Variants in BAZ2A observed in about 807,000 individuals in gnomAD.
BAZ2A encodes bromodomain adjacent to zinc finger domain 2A.
Under a neutral mutation model 199.9 loss-of-function variants are expected in BAZ2A, and 34 were observed. The ratio of observed to expected loss-of-function variants is 0.17; its 90% confidence interval spans 0.13 to 0.23. BAZ2A has a LOEUF of 0.23. Among genes scored for constraint, BAZ2A ranks in the 10% least tolerant of loss-of-function variants. The pLI, the probability that BAZ2A is intolerant of heterozygous loss-of-function variation, is 1.00. For synonymous variants in BAZ2A, 857 were observed against 883.9 expected, an observed-to-expected ratio of 0.97 and a Z score of 0.54; for missense variants, 2,002 against 2,391.1, an observed-to-expected ratio of 0.84 and a Z score of 3.39.
At chr12:56,611,750 T>G in intron 6 of BAZ2A, 23 bp downstream of exon 6, 1 of 1,519,968 alleles carries the variant, frequency 6.6e-7, no homozygotes, top group Non-Finnish European at 8.8e-7. Flanking sequence ...CAGACAGGGA[T>G]AGAATAGAAT....
intron 1 of BAZ2A, among the ~76,000 whole-genome samples, chr12:56,625,615 C>T (rs1427308132): frequency 2.0e-5 from 3 of 151,982 alleles, no homozygotes; most frequent in East Asian, 1.9e-4. Context: ...TCTTGGCTCA[C>T]GCCTGTAATC....
At chr12:56,608,320 C>A (rs1181710522) in intron 10 of BAZ2A, among the ~76,000 whole-genome samples, 1 of 150,090 alleles carries the variant, frequency 6.7e-6, no homozygotes, top group African/African-American at 2.5e-5. Flanking sequence ...TGTAGTGAGC[C>A]AAGATCGTGC....
At chr12:56,638,159 A>G (rs2137539198), upstream of BAZ2A, 1 of 611,488 alleles carries the variant, frequency 1.6e-6, no homozygotes, top group Middle Eastern at 3.3e-4. Context: ...TGTCAGAACC[A>G]AGAGAATCAG....
In BAZ2A at chr12:56,609,351, A is replaced by G. The variant is rs369686047; in HGVS notation, c.2092+385T>C. On this transcript the variant is annotated intron_variant, in intron 10 of 28. Transcript: ENST00000549884. ...CACACACCACCATGCCTGGCTCCCA[A>G]TTATCTTTTGAATTCAGATGTGAAT... 9.3e-4 allele frequency among the ~76,000 whole-genome samples: 141 copies of G among 152,250 alleles called. 4 individuals carry two copies. In the South Asian group the frequency reaches 0.028, roughly 30 times the overall value.
intron 1 of BAZ2A, among the ~76,000 whole-genome samples, chr12:56,626,913 C>G (rs2137323613): frequency 6.6e-6 from 1 of 152,274 alleles, no homozygotes; most frequent in South Asian, 2.1e-4. Context: ...TAATCAGGGG[C>G]AAGAAAAAGG....
chr12:56,637,276 T>A (rs1010719832), upstream of BAZ2A, among the ~76,000 whole-genome samples: 1 of 152,222 alleles, frequency 6.6e-6, no homozygotes, highest in African/African-American at 2.4e-5. Context: ...TTCTTTTAAA[T>A]TGAAATGGTA....
At chr12:56,621,904 G>C (rs973987223) in intron 1 of BAZ2A, among the ~76,000 whole-genome samples, 3 of 151,946 alleles carry the variant, frequency 2.0e-5, no homozygotes, top group African/African-American at 7.3e-5. Context: ...TGCCCATGAT[G>C]GTCTCAAATT....
chr12:56,598,481 G>T lies in BAZ2A; in HGVS notation c.*137C>A. Reference sequence around the variant, plus strand: ...TAGGAATAAGAGGATGTGGGGCACTGCCAAGGGCAAGGTCAAAAATCAGGG... The same window carrying T: ...TAGGAATAAGAGGATGTGGGGCACTTCCAAGGGCAAGGTCAAAAATCAGGG... On this transcript the variant is annotated 3_prime_UTR_variant, in exon 29 of 29. Coordinates refer to ENST00000549884, the MANE Select transcript of BAZ2A (RefSeq NM_001300905.2). 1.7e-6 allele frequency: 2 copies of T among 1,165,110 alleles called. No individual in the cohort carries two copies. The highest frequency in any genetic ancestry group is 2.4e-6 in the Non-Finnish European group (2 of 841,848). The allele number at this position is 1,165,110 out of a possible 1,614,324, so 72.2% of individuals were successfully genotyped here.
intron 1 of BAZ2A, among the ~76,000 whole-genome samples, chr12:56,619,792 T>C (rs1950852511): frequency 1.3e-5 from 2 of 152,140 alleles, no homozygotes; most frequent in African/African-American, 4.8e-5. Flanking sequence ...GAAGATCACT[T>C]GAGGTCAGGA....
Position 56,595,840 on chromosome 12 carries a change from C to T in BAZ2A, c.*2778G>A, listed in dbSNP as rs1220268310. 1 of 152,022 alleles carries T rather than the reference C, an allele frequency of 6.6e-6. No homozygotes were observed. The highest frequency in any genetic ancestry group is 2.4e-5 in the African/African-American group (1 of 41,210). 9.4% of individuals were successfully genotyped at this position (152,022 alleles called of 1,614,324 possible). On this transcript the variant is annotated 3_prime_UTR_variant, in exon 29 of 29. Transcript: ENST00000549884. ...ACAGGAGCCCCTGTTGTTCCCTTGCCTGTGGTCTCTTAAGCCAGTCATACC... is the reference window on the plus strand; with the variant it reads ...ACAGGAGCCCCTGTTGTTCCCTTGCTTGTGGTCTCTTAAGCCAGTCATACC...
intron 25 of BAZ2A, 53 bp from the exon 26 acceptor site, chr12:56,599,901 G>A: frequency 6.2e-7 from 1 of 1,613,254 alleles, no homozygotes; most frequent in Non-Finnish European, 8.5e-7. Flanking sequence ...CTACCTGCCA[G>A]TGACCCCACC....
rs951694451 is a variant in BAZ2A, at chr12:56,630,268, G to A, written c.-146C>T. ...GGGTCCGGGGTTCGGGAAGGGGGAG[G>A]GGGACGCGGCTCAACCGCGGGGCCC... On this transcript the variant is annotated 5_prime_UTR_variant, in exon 1 of 29. Transcript: ENST00000549884. The A allele has an allele frequency of 3.0e-6, 3 of 983,936 alleles. No homozygotes were observed. Among genetic ancestry groups the A allele is most frequent in the African/African-American group, 1.7e-5 (1 of 57,226 alleles). 61.0% of individuals were successfully genotyped at this position (983,936 alleles called of 1,614,324 possible).
chr12:56,631,759 T>TA (rs1951317881), upstream of BAZ2A, among the ~76,000 whole-genome samples: 1 of 152,114 alleles, frequency 6.6e-6, no homozygotes, highest in African/African-American at 2.4e-5. Context: ...TGTCAACAAA[T>TA]ACGTTTTCCT....
chr12:56,601,329 G>C lies in BAZ2A; in HGVS notation c.4145C>G (p.Pro1382Arg). The C allele has an allele frequency of 6.2e-7, 1 of 1,614,020 alleles. No individual in the cohort carries two copies. Among genetic ancestry groups the C allele is most frequent in the Middle Eastern group, 1.6e-4 (1 of 6,062 alleles). The change falls in exon 21 of 29, where the codon CCT (proline) becomes CGT (arginine). Residue 1382 changes from proline to arginine, a missense_variant. This residue lies in a region of BAZ2A where 1,081 missense variants were observed against 1,274.7 expected (regional missense o/e 0.85). Coordinates refer to ENST00000549884, the MANE Select transcript of BAZ2A (RefSeq NM_001300905.2). ...TCCAGGGTCTCCTGCTCGCCTCTTA[G>C]GGGCCAACCCAGCCAAGGGCGTGGA... ...FSSTPLAGLA[P>R]KRRAGDPGEM...
intron 4 of BAZ2A, among the ~76,000 whole-genome samples, 162 bp downstream of exon 4, chr12:56,613,791 G>A (rs1002243552): frequency 6.6e-5 from 10 of 152,318 alleles, no homozygotes; most frequent in African/African-American, 2.4e-4. Context: ...AATTCAGTTA[G>A]GGCACCAAGT....
intron 1 of BAZ2A, among the ~76,000 whole-genome samples, chr12:56,625,958 T>C (rs1951086249): frequency 6.6e-6 from 1 of 151,814 alleles, no homozygotes; most frequent in African/African-American, 2.4e-5. Context: ...AGTATTTTAG[T>C]CTGCAAAATG....
intron 1 of BAZ2A, chr12:56,620,982 C>T: frequency 1.3e-6 from 1 of 798,122 alleles, no homozygotes. Context: ...TCCTTAGTCT[C>T]CAGTTAGGTT....
At chr12:56,625,679 C>T (rs1382296897) in intron 1 of BAZ2A, among the ~76,000 whole-genome samples, 1 of 151,494 alleles carries the variant, frequency 6.6e-6, no homozygotes, top group Non-Finnish European at 1.5e-5. Flanking sequence ...AGATCGAGAC[C>T]ATCCTGGCTA....
intron 18 of BAZ2A, 47 bp from the exon 19 acceptor site, chr12:56,602,904 G>C (rs1458137910): frequency 6.4e-7 from 1 of 1,561,706 alleles, no homozygotes; most frequent in Non-Finnish European, 8.7e-7. Context: ...TTTCCAGAGT[G>C]ACAGTGGTGA....
Sources: allele counts gnomAD v4.1 joint callset (sites outside exome capture counted in the v4.1 genomes callset), GRCh38; gene constraint gnomAD v4.1.1; regional missense constraint gnomAD v4.1.1; transcripts MANE v1.5; gene names NCBI Gene and HGNC (gene_info 2026-07-23, HGNC 2026-07-21).